Variants in CDH13 observed in about 807,000 individuals in gnomAD.
The protein encoded by CDH13 is cadherin 13, also known as cadherin-13.
Under a neutral mutation model 63.8 loss-of-function variants are expected in CDH13, and 24 were observed. That is an observed-to-expected ratio of 0.38 (90% confidence interval 0.27 to 0.53). The LOEUF (loss-of-function observed/expected upper bound fraction) is 0.53. Among genes scored for constraint, CDH13 ranks in the 20% least tolerant of loss-of-function variants. CDH13 has a pLI of 0.85. For missense variants in CDH13, 1,049 were observed against 903.1 expected (o/e 1.16, Z -2.07); for synonymous variants, 503 against 355.3 (o/e 1.42, Z -4.67).
intron 10 of CDH13, among the ~76,000 whole-genome samples, chr16:83,718,591 C>T (rs367778372): frequency 8.6e-4 from 130 of 152,034 alleles, no homozygotes; most frequent in African/African-American, 2.9e-3. Context: ...TATGGGTGTT[C>T]CTGGAACCAT....
Position 82,658,197 on chromosome 16 carries a change from C to A in CDH13, c.45+31060C>A, listed in dbSNP as rs550437292. ...CTATTGATATGTGCATATGAGCCTCCTGGTCATCATCCCAGGCTTAGCTCA... is the reference window on the plus strand; with the variant it reads ...CTATTGATATGTGCATATGAGCCTCATGGTCATCATCCCAGGCTTAGCTCA... On this transcript the variant is annotated intron_variant, in intron 1 of 13. Coordinates refer to ENST00000567109, the MANE Select transcript of CDH13 (RefSeq NM_001257.5). 2.0e-5 allele frequency among the ~76,000 whole-genome samples: 3 copies of A among 152,324 alleles called. No homozygotes were observed. In the South Asian group the frequency reaches 6.2e-4, roughly 32 times the overall value.
intron 6 of CDH13, among the ~76,000 whole-genome samples, chr16:83,347,712 G>T (rs1291961218): frequency 6.6e-6 from 1 of 152,216 alleles, no homozygotes; most frequent in African/African-American, 2.4e-5. Flanking sequence ...GGCACAATCA[G>T]TGTCTACGTC....
chr16:83,439,188 A>T (rs1009185957), intron 6 of CDH13, among the ~76,000 whole-genome samples: 1 of 152,190 alleles, frequency 6.6e-6, no homozygotes, highest in African/African-American at 2.4e-5. Flanking sequence ...CTAATGTTTT[A>T]TTGGAAAGAA....
chr16:82,660,379 C>G (rs1031386543), intron 1 of CDH13, among the ~76,000 whole-genome samples: 1 of 152,116 alleles, frequency 6.6e-6, no homozygotes, highest in African/African-American at 2.4e-5. Context: ...ACAGAGAAAC[C>G]ACCAATCAAA....
intron 2 of CDH13, among the ~76,000 whole-genome samples, chr16:82,894,024 T>C (rs2041168291): frequency 6.6e-6 from 1 of 152,202 alleles, no homozygotes; most frequent in African/African-American, 2.4e-5. Context: ...TTTTTTTACT[T>C]CCTTAACAGA....
At chr16:82,770,833 G>A (rs985553234) in intron 1 of CDH13, among the ~76,000 whole-genome samples, 10 of 152,124 alleles carry the variant, frequency 6.6e-5, no homozygotes, top group African/African-American at 2.2e-4. Context: ...TCAGCCTCCC[G>A]AGTAGCTGGG....
chr16:83,269,659 C>G (rs566801123), intron 5 of CDH13, among the ~76,000 whole-genome samples: 6 of 152,270 alleles, frequency 3.9e-5, no homozygotes, highest in African/African-American at 1.4e-4. Context: ...TAGGTCCTAT[C>G]ATTTCACACA....
Position 83,206,681 on chromosome 16 carries a change from G to A in CDH13, c.484-10664G>A, listed in dbSNP as rs1443533090. On this transcript the variant is annotated intron_variant, in intron 4 of 13. Transcript: ENST00000567109. ...CCTAGGACCACAGAGTCTAATCAGA[G>A]AGATGGCTCTTAAACCACAAGAGTT... 2.0e-5 allele frequency among the ~76,000 whole-genome samples: 3 copies of A among 152,248 alleles called. No individual in the cohort carries two copies. The East Asian group carries it at 5.8e-4, about 29-fold the overall frequency.
chr16:82,825,883 C>G (rs1475203051), intron 1 of CDH13: 1 of 151,184 alleles, frequency 6.6e-6, no homozygotes, highest in Non-Finnish European at 1.5e-5. Context: ...GAGGCAAACT[C>G]TGACTCTGAC....
chr16:83,705,199 T>G (rs926766035), intron 10 of CDH13, among the ~76,000 whole-genome samples: 2 of 152,238 alleles, frequency 1.3e-5, no homozygotes, highest in Non-Finnish European at 2.9e-5. Context: ...TTTACCTGAT[T>G]TTGAGTTTTT....
chr16:83,314,096 A>C (rs549140644), intron 5 of CDH13, among the ~76,000 whole-genome samples: 4 of 152,218 alleles, frequency 2.6e-5, no homozygotes, highest in Admixed American at 6.5e-5. Context: ...GCTGTTGTCT[A>C]GCATTGCTCT....
chr16:83,742,500 G>A (rs796603219), intron 10 of CDH13, among the ~76,000 whole-genome samples: 2 of 152,088 alleles, frequency 1.3e-5, no homozygotes, highest in Non-Finnish European at 2.9e-5. Flanking sequence ...TTAATAAGGC[G>A]TATGCATTTT....
chr16:83,547,882 C>A (rs569889497), intron 7 of CDH13, among the ~76,000 whole-genome samples: 28 of 152,184 alleles, frequency 1.8e-4, no homozygotes, highest in African/African-American at 6.5e-4. Flanking sequence ...AGAAGCTATC[C>A]TGGGGCATCA....
At chr16:83,188,579 A>G (rs910743838) in intron 4 of CDH13, among the ~76,000 whole-genome samples, 1 of 152,192 alleles carries the variant, frequency 6.6e-6, no homozygotes, top group African/African-American at 2.4e-5. Flanking sequence ...GGCGTTGGCC[A>G]TGGTCCTGGC....
intron 5 of CDH13, among the ~76,000 whole-genome samples, chr16:83,238,839 C>G (rs1363051232): frequency 6.6e-6 from 1 of 152,168 alleles, no homozygotes; most frequent in Non-Finnish European, 1.5e-5. Flanking sequence ...TCATGGAGAA[C>G]TTTGTCTGGC....
At chr16:83,457,665 T>G (rs1224256871) in intron 6 of CDH13, among the ~76,000 whole-genome samples, 6 of 151,864 alleles carry the variant, frequency 4.0e-5, no homozygotes, top group Admixed American at 3.3e-4. Flanking sequence ...GTTCAGGGCT[T>G]GAGGCTGAAA....
At chr16:83,777,988 C>A (rs1416399262) in intron 11 of CDH13, among the ~76,000 whole-genome samples, 1 of 152,154 alleles carries the variant, frequency 6.6e-6, no homozygotes, top group Non-Finnish European at 1.5e-5. Flanking sequence ...AACGATTGTA[C>A]TACTGTATAA....
intron 2 of CDH13, among the ~76,000 whole-genome samples, chr16:82,860,728 C>A (rs569063040): frequency 1.3e-5 from 2 of 151,850 alleles, no homozygotes; most frequent in African/African-American, 4.8e-5. Context: ...ATAGAGCCTG[C>A]AGATAAGGTT....
chr16:83,328,561 A>G (rs531841631), intron 5 of CDH13, among the ~76,000 whole-genome samples: 1 of 152,292 alleles, frequency 6.6e-6, no homozygotes, highest in South Asian at 2.1e-4. Flanking sequence ...GGAGGACAAG[A>G]GCAGAAAGAG....
Sources: allele counts gnomAD v4.1 joint callset (sites outside exome capture counted in the v4.1 genomes callset), GRCh38; gene constraint gnomAD v4.1.1; transcripts MANE v1.5; gene names NCBI Gene and HGNC (gene_info 2026-07-23, HGNC 2026-07-21).